The following LRP6 variants were observed in gnomAD, a reference collection of about 807,000 sequenced individuals.
The protein encoded by LRP6 is low-density lipoprotein receptor-related protein 6.
A neutral mutation model predicts 184.1 loss-of-function variants in LRP6; 43 were observed. The ratio of observed to expected loss-of-function variants is 0.23; its 90% CI spans 0.18 to 0.30. The LOEUF (loss-of-function observed/expected upper bound fraction) is 0.30. LRP6 is among the 10% of genes least tolerant of loss of function. The pLI is 1.00. For synonymous variants in LRP6, 719 were observed against 684.9 expected (o/e 1.05, Z -0.78); for missense variants, 1,571 against 2,005.3 (o/e 0.78, Z 4.14).
intron 1 of LRP6, among the ~76,000 whole-genome samples, chr12:12,259,000 G>A (rs777409208): frequency 3.9e-5 from 6 of 152,146 alleles, no homozygotes; most frequent in Non-Finnish European, 8.8e-5. Flanking sequence ...GCAGGCTCAC[G>A]CCTGTAAGCC....
intron 15 of LRP6, among the ~76,000 whole-genome samples, chr12:12,145,058 T>TA (rs1018626947): frequency 9.4e-5 from 14 of 148,462 alleles, no homozygotes; most frequent in East Asian, 2.0e-4. Flanking sequence ...AACTTATAAT[T>TA]AAAAAAAAAA....
chr12:12,261,474 A>C (rs1044799561), intron 1 of LRP6, among the ~76,000 whole-genome samples: 1 of 152,172 alleles, frequency 6.6e-6, no homozygotes, highest in Non-Finnish European at 1.5e-5. Context: ...CTAAAACCTT[A>C]AAATTTAATA....
intron 3 of LRP6, among the ~76,000 whole-genome samples, chr12:12,196,744 T>C (rs1863773575): frequency 6.6e-6 from 1 of 152,184 alleles, no homozygotes; most frequent in African/African-American, 2.4e-5. Context: ...CCTCTGTATT[T>C]CCTACAAATG....
chr12:12,214,141 G>A (rs1232328866), intron 2 of LRP6, among the ~76,000 whole-genome samples: 1 of 151,990 alleles, frequency 6.6e-6, no homozygotes, highest in African/African-American at 2.4e-5. Context: ...AAGAAGCCAA[G>A]CAGCACCCCA....
At chr12:12,236,251 C>T (rs933678510) in intron 2 of LRP6, among the ~76,000 whole-genome samples, 2 of 148,080 alleles carry the variant, frequency 1.4e-5, no homozygotes, top group African/African-American at 4.9e-5. Context: ...AATAAATAAA[C>T]AAACAAACAA....
At chr12:12,128,222 C>T (rs1345138715) in intron 19 of LRP6, among the ~76,000 whole-genome samples, 3 of 152,150 alleles carry the variant, frequency 2.0e-5, no homozygotes, top group African/African-American at 7.2e-5. Context: ...TGGCTCCTGT[C>T]TTCTCTTTAA....
intron 6 of LRP6, among the ~76,000 whole-genome samples, chr12:12,180,647 A>G (rs1442081725): frequency 6.6e-6 from 1 of 152,160 alleles, no homozygotes; most frequent in Non-Finnish European, 1.5e-5. Flanking sequence ...CAAGTCATTC[A>G]TGTATTTAGG....
chr12:12,241,512 AT>A (rs775952982), intron 2 of LRP6, among the ~76,000 whole-genome samples: 1 of 152,166 alleles, frequency 6.6e-6, no homozygotes, highest in South Asian at 2.1e-4. Flanking sequence ...TATATATACC[AT>A]TTGACCAGAT....
At chr12:12,132,815 G>A (rs1221330119) in intron 17 of LRP6, among the ~76,000 whole-genome samples, 1 of 152,160 alleles carries the variant, frequency 6.6e-6, no homozygotes, top group Non-Finnish European at 1.5e-5. Flanking sequence ...CCTAAGTGTG[G>A]TAGTTTCTAA....
intron 18 of LRP6, among the ~76,000 whole-genome samples, chr12:12,131,594 A>G (rs1049648020): frequency 1.1e-4 from 17 of 152,226 alleles, no homozygotes; most frequent in African/African-American, 4.1e-4. Flanking sequence ...AAGGCCTAAT[A>G]TATTTTAGTT....
chr12:12,116,346 A>T lies in LRP6; in HGVS notation c.*4780T>A, dbSNP rs1277921417. The T allele has an allele frequency of 6.6e-6, 1 of 152,192 alleles. No individual in the cohort carries two copies. Among genetic ancestry groups the T allele is most frequent in the African/African-American group, 2.4e-5 (1 of 41,444 alleles). The allele number at this position is 152,192 out of a possible 1,614,324, so 9.4% of individuals were successfully genotyped here. ...GATAAACATCTGAAAGCAGCACCAG[A>T]TCCTTCACTTGCAAATAAGGCTAGT... On this transcript the variant is annotated 3_prime_UTR_variant, in exon 23 of 23. Coordinates refer to ENST00000261349, the MANE Select transcript of LRP6 (RefSeq NM_002336.3).
chr12:12,241,028 G>T (rs1425767050), intron 2 of LRP6, among the ~76,000 whole-genome samples: 2 of 152,188 alleles, frequency 1.3e-5, no homozygotes, highest in Non-Finnish European at 2.9e-5. Context: ...AATTTAGAGA[G>T]AGGAATAAAA....
intron 19 of LRP6, 146 bp downstream of exon 19, chr12:12,130,637 A>G (rs1711772396): frequency 1.1e-5 from 7 of 632,226 alleles, no homozygotes; most frequent in Non-Finnish European, 2.0e-5. Flanking sequence ...AAAGCAAAAC[A>G]TAAAAAAACC....
intron 1 of LRP6, among the ~76,000 whole-genome samples, chr12:12,246,906 T>C (rs975749573): frequency 2.6e-5 from 4 of 152,214 alleles, no homozygotes; most frequent in Admixed American, 2.6e-4. Flanking sequence ...TTTTCATCTA[T>C]AAGTACAACA....
intron 4 of LRP6, among the ~76,000 whole-genome samples, chr12:12,186,198 G>A (rs991445321): frequency 3.3e-5 from 5 of 152,006 alleles, no homozygotes; most frequent in Admixed American, 1.3e-4. Context: ...ACTACATACT[G>A]AAAGAAATAA....
At chr12:12,171,532 AAAATAAAT>A (rs150432884) in intron 7 of LRP6, among the ~76,000 whole-genome samples, 115,973 of 147,272 alleles carry the variant, frequency 0.79, 46,012 homozygotes, top group East Asian at 0.91. Context: ...AAAAAAAAAT[AAAATAAAT>A]AAATAAATAA....
At chr12:12,166,001 A>T (rs1862869056) in intron 7 of LRP6, among the ~76,000 whole-genome samples, 1 of 152,200 alleles carries the variant, frequency 6.6e-6, no homozygotes. Context: ...TACTGTATTC[A>T]CAGTGCATTC....
At chr12:12,158,733 C>T (rs1372406281) in intron 12 of LRP6, 96 bp downstream of exon 12, 15 of 1,225,764 alleles carry the variant, frequency 1.2e-5, no homozygotes, top group Middle Eastern at 4.5e-4. Flanking sequence ...CTCTGGATTT[C>T]CACACTATTT....
intron 12 of LRP6, among the ~76,000 whole-genome samples, chr12:12,157,944 C>A (rs1240519997): frequency 6.6e-6 from 1 of 151,942 alleles, no homozygotes; most frequent in Non-Finnish European, 1.5e-5. Context: ...TGTGTACTTG[C>A]CGGTATTTAA....
Sources: gnomAD v4.1 joint callset for allele counts (sites outside exome capture counted in the v4.1 genomes callset) on GRCh38, gnomAD v4.1.1 for gene constraint, MANE v1.5 for transcripts, NCBI Gene and HGNC (gene_info 2026-07-23, HGNC 2026-07-21) for gene names.